Variants in NBEA observed in about 807,000 individuals in gnomAD.
NBEA encodes the protein lysosomal-trafficking regulator 2.
NBEA carries 44 observed loss-of-function variants against 343.4 expected under a neutral mutation model. That is an observed-to-expected ratio of 0.13 (90% CI 0.10 to 0.16). NBEA has a LOEUF of 0.16. NBEA is among the 10% of genes least tolerant of loss of function. NBEA has a pLI of 1.00. For missense variants in NBEA, 2,555 were observed against 3,631.3 expected (o/e 0.70, Z 7.62); for synonymous variants, 1,175 against 1,238.7 (o/e 0.95, Z 1.08).
chr13:35,232,839 G>C (rs555187481), intron 34 of NBEA, among the ~76,000 whole-genome samples: 1 of 152,122 alleles, frequency 6.6e-6, no homozygotes, highest in East Asian at 1.9e-4. Flanking sequence ...GATGAAGAAC[G>C]TTGAAAAGGT....
At chr13:35,594,947 TCACACACACACACACACACA>T (rs71196581) in intron 47 of NBEA, among the ~76,000 whole-genome samples, 7 of 111,124 alleles carry the variant, frequency 6.3e-5, no homozygotes, top group African/African-American at 1.9e-4. Flanking sequence ...TTTGACATCA[TCACACACACACACACACACA>T]CACACACACA....
At chr13:35,333,119 A>G (rs901656973) in intron 36 of NBEA, among the ~76,000 whole-genome samples, 1 of 152,124 alleles carries the variant, frequency 6.6e-6, no homozygotes, top group Non-Finnish European at 1.5e-5. Flanking sequence ...TCATAGATAA[A>G]CACTTAATGA....
intron 34 of NBEA, among the ~76,000 whole-genome samples, chr13:35,261,648 T>C (rs1266851816): frequency 6.6e-6 from 1 of 152,184 alleles, no homozygotes; most frequent in Middle Eastern, 3.2e-3. Flanking sequence ...CCGAATATTT[T>C]ATACTGATTA....
intron 44 of NBEA, among the ~76,000 whole-genome samples, chr13:35,563,131 G>A (rs1416919723): frequency 1.8e-5 from 2 of 108,324 alleles, no homozygotes; most frequent in African/African-American, 7.2e-5. Flanking sequence ...GTGTGTGTGT[G>A]GAGATAGATA....
intron 41 of NBEA, among the ~76,000 whole-genome samples, chr13:35,489,540 A>G (rs1274564738): frequency 6.6e-6 from 1 of 151,802 alleles, no homozygotes; most frequent in Non-Finnish European, 1.5e-5. Flanking sequence ...TATGCCACTT[A>G]TTTTTTCCTA....
intron 38 of NBEA, among the ~76,000 whole-genome samples, chr13:35,355,322 T>C (rs2040431274): frequency 6.6e-6 from 1 of 152,258 alleles, no homozygotes; most frequent in South Asian, 2.1e-4. Flanking sequence ...TGAGTGACTC[T>C]TATTAAAATG....
chr13:35,136,229 C>T (rs753137290), intron 17 of NBEA, among the ~76,000 whole-genome samples: 7 of 152,174 alleles, frequency 4.6e-5, no homozygotes, highest in East Asian at 1.9e-4. Flanking sequence ...ACAAAGCCAA[C>T]GGAATTCCTA....
intron 24 of NBEA, among the ~76,000 whole-genome samples, chr13:35,167,194 A>G (rs2070103590): frequency 6.6e-6 from 1 of 152,036 alleles, no homozygotes. Context: ...TGTCACAGCT[A>G]GTCAACTCTG....
chr13:35,242,546 G>T (rs1310891593), intron 34 of NBEA, among the ~76,000 whole-genome samples: 1 of 151,864 alleles, frequency 6.6e-6, no homozygotes, highest in Non-Finnish European at 1.5e-5. Context: ...CATACGAACT[G>T]AAGCTCAACA....
intron 31 of NBEA, among the ~76,000 whole-genome samples, chr13:35,197,705 C>T (rs200739360): frequency 1.3e-5 from 2 of 151,914 alleles, no homozygotes; most frequent in East Asian, 3.9e-4. Context: ...GTTTCAACAT[C>T]TTGGCCAGGC....
At chr13:35,328,859 T>A (rs1338712644) in intron 36 of NBEA, among the ~76,000 whole-genome samples, 1 of 151,768 alleles carries the variant, frequency 6.6e-6, no homozygotes, top group Admixed American at 6.6e-5. Context: ...CAAAACAAAT[T>A]GAAAAGGAAC....
At chr13:35,272,319 A>G (rs1280479931) in intron 34 of NBEA, among the ~76,000 whole-genome samples, 1 of 152,232 alleles carries the variant, frequency 6.6e-6, no homozygotes, top group Non-Finnish European at 1.5e-5. Context: ...AGATTTTGTC[A>G]TCACCAGGCC....
intron 36 of NBEA, among the ~76,000 whole-genome samples, chr13:35,320,520 C>T (rs9600492): frequency 0.012 from 1,877 of 152,212 alleles, 33 homozygotes; most frequent in African/African-American, 0.043. Context: ...CCCTGGCTGC[C>T]CTTAACATTT....
chr13:35,098,112 A>G (rs2065432404), intron 10 of NBEA, among the ~76,000 whole-genome samples, 185 bp from the exon 11 acceptor site: 1 of 152,204 alleles, frequency 6.6e-6, no homozygotes, highest in African/African-American at 2.4e-5. Context: ...AAAGGACAAC[A>G]GTAGTTTTCT....
chr13:35,419,038 A>G (rs554706635), intron 38 of NBEA, among the ~76,000 whole-genome samples: 1 of 152,154 alleles, frequency 6.6e-6, no homozygotes, highest in African/African-American at 2.4e-5. Context: ...ATTTTATACA[A>G]TATTTTTAAT....
At chr13:35,176,138 C>T (rs1305282750) in intron 27 of NBEA, among the ~76,000 whole-genome samples, 5 of 151,980 alleles carry the variant, frequency 3.3e-5, no homozygotes, top group Non-Finnish European at 7.4e-5. Context: ...TAATGGAAAC[C>T]AAATACTATC....
intron 17 of NBEA, among the ~76,000 whole-genome samples, chr13:35,139,773 A>G (rs371358342): frequency 2.1e-5 from 1 of 47,988 alleles, no homozygotes; most frequent in Non-Finnish European, 4.1e-5. Context: ...TTTTTTTTTT[A>G]TCTCTTGACT....
intron 18 of NBEA, among the ~76,000 whole-genome samples, chr13:35,154,870 A>C (rs2069047760): frequency 6.6e-6 from 1 of 152,116 alleles, no homozygotes; most frequent in Non-Finnish European, 1.5e-5. Context: ...TCATGCATTT[A>C]ATCCCAGCAC....
intron 8 of NBEA, among the ~76,000 whole-genome samples, chr13:35,059,107 AATAG>A (rs1208395442): frequency 2.1e-4 from 32 of 152,004 alleles, no homozygotes; most frequent in African/African-American, 7.7e-4. Context: ...ATTCTGAAAT[AATAG>A]ATCTTATAAA....
Sources: allele counts gnomAD v4.1 joint callset (sites outside exome capture counted in the v4.1 genomes callset), GRCh38; gene constraint gnomAD v4.1.1; transcripts MANE v1.5; gene names NCBI Gene and HGNC (gene_info 2026-07-23, HGNC 2026-07-21).